Variants in TXNRD2 observed in about 807,000 individuals in gnomAD.
The protein encoded by TXNRD2 is thioredoxin reductase 2.
Under a neutral mutation model 70.8 loss-of-function variants are expected in TXNRD2, and 67 were observed. That is an observed-to-expected ratio of 0.95 (90% CI 0.78 to 1.16). The LOEUF is 1.16. Ranked by LOEUF, TXNRD2 falls within the 50% of genes most tolerant of loss-of-function variation. The pLI, the probability that TXNRD2 is intolerant of heterozygous loss-of-function variation, is 0.00. For missense variants in TXNRD2, 644 were observed against 719.9 expected, an observed-to-expected ratio of 0.89 and a Z score of 1.21; for synonymous variants, 301 against 295.8, an observed-to-expected ratio of 1.02 and a Z score of -0.18.
At chr22:19,941,182 ACTGTC>A (rs1941699556) in intron 1 of TXNRD2, among the ~76,000 whole-genome samples, 1 of 152,044 alleles carries the variant, frequency 6.6e-6, no homozygotes, top group Non-Finnish European at 1.5e-5. Context: ...TGAGGCTTGA[ACTGTC>A]CTGAGTGACC....
intron 10 of TXNRD2, 63 bp downstream of exon 10, chr22:19,897,976 G>C (rs1047082154): frequency 5.8e-6 from 8 of 1,387,708 alleles, no homozygotes; most frequent in Non-Finnish European, 9.9e-7. Context: ...ACCTGCCTGG[G>C]AGGGGGCTGT....
chr22:19,895,958 C>T (rs147959426), intron 10 of TXNRD2, among the ~76,000 whole-genome samples: 1 of 152,222 alleles, frequency 6.6e-6, no homozygotes, highest in South Asian at 2.1e-4. Context: ...GATCACACCA[C>T]TGCACTCCAG....
At chr22:19,894,570 A>C (rs1330706965) in intron 11 of TXNRD2, 1 of 155,204 alleles carries the variant, frequency 6.4e-6, no homozygotes, top group South Asian at 2.0e-4. Context: ...TGGAGGCTGC[A>C]GTGAGCTATG....
intron 8 of TXNRD2, among the ~76,000 whole-genome samples, chr22:19,902,157 C>T (rs548796596): frequency 2.6e-5 from 4 of 152,204 alleles, no homozygotes; most frequent in South Asian, 2.1e-4. Flanking sequence ...CACTCCAGCC[C>T]GGGAAACAGA....
rs559624289 is a variant in TXNRD2, at chr22:19,938,371, C to A, written c.103+3330G>T. Reference sequence around the variant, plus strand: ...TAAACAAAGGAGATAAGACATGGGGCCCTGGGATGGGCTCCAGCGGTGAAA... The same window carrying A: ...TAAACAAAGGAGATAAGACATGGGGACCTGGGATGGGCTCCAGCGGTGAAA... On this transcript the variant is annotated intron_variant, in intron 1 of 17. Transcript: ENST00000400521. Among the ~76,000 whole-genome samples, 6 of 152,300 alleles carry A rather than the reference C, an allele frequency of 3.9e-5. No homozygotes were observed. The South Asian group carries it at 1.2e-3, about 32-fold the overall frequency.
intron 11 of TXNRD2, among the ~76,000 whole-genome samples, chr22:19,891,204 TGG>T (rs1238526086): frequency 6.6e-6 from 1 of 152,228 alleles, no homozygotes; most frequent in Non-Finnish European, 1.5e-5. Context: ...ATTCCTTCCC[TGG>T]GTCTCGTCTC....
At chr22:19,909,133 G>A (rs1432521891) in intron 8 of TXNRD2, among the ~76,000 whole-genome samples, 1 of 151,116 alleles carries the variant, frequency 6.6e-6, no homozygotes, top group Non-Finnish European at 1.5e-5. Flanking sequence ...TTGAACCCGG[G>A]AGGCAGAGGT....
intron 13 of TXNRD2, 35 bp downstream of exon 13, chr22:19,880,587 C>T (rs1938722822): frequency 6.9e-6 from 11 of 1,591,594 alleles, no homozygotes; most frequent in South Asian, 1.1e-5. Context: ...TCAGCCTGTC[C>T]TAGGCTGCAC....
chr22:19,898,453 C>T (rs62222122), intron 9 of TXNRD2, among the ~76,000 whole-genome samples: 33,006 of 149,904 alleles, frequency 0.22, 4,468 homozygotes, highest in African/African-American at 0.37. Flanking sequence ...ACCTCAGCCA[C>T]GGGAGATGCC....
intron 5 of TXNRD2, among the ~76,000 whole-genome samples, chr22:19,917,566 C>T (rs917656753): frequency 6.6e-6 from 1 of 152,190 alleles, no homozygotes; most frequent in African/African-American, 2.4e-5. Context: ...GAGGCGGTAC[C>T]AGTTTCAGGC....
chr22:19,880,734 G>A lies in TXNRD2; in HGVS notation c.1087-17C>T, dbSNP rs987650882. 3 of 1,547,892 alleles carry A rather than the reference G, an allele frequency of 1.9e-6. No homozygotes were observed. Among genetic ancestry groups the A allele is most frequent in the Non-Finnish European group, 2.6e-6 (3 of 1,145,842 alleles). On this transcript the variant is annotated splice_polypyrimidine_tract_variant and intron_variant, in intron 12 of 17. Coordinates refer to ENST00000400521, the MANE Select transcript of TXNRD2 (RefSeq NM_006440.5). ...AGGCCGCCCCTTGGGGAAGGCACAG[G>A]GGGGCCACGTCAGCACCATGTCCGG...
chr22:19,915,838 A>C lies in TXNRD2; in HGVS notation c.455T>G (p.Val152Gly), dbSNP rs1187741393. 6.2e-7 allele frequency: 1 copy of C among 1,614,038 alleles called. No homozygotes were observed. Among genetic ancestry groups the C allele is most frequent in the Non-Finnish European group, 8.5e-7 (1 of 1,179,890 alleles). ...GCTGGCTTTGATGTTAAAGTACTTG[A>C]CTTTTCTGAAAGATAAAGATAAGAT... ...GHRVQLQDRK[V>G]KYFNIKASFV... Residue 152 changes from valine (V) to glycine (G), a missense_variant, in exon 6 of 18, where the codon GTC becomes GGC. Coordinates refer to ENST00000400521, the MANE Select transcript of TXNRD2 (RefSeq NM_006440.5).
At chr22:19,935,231 G>T (rs1407907612) in intron 1 of TXNRD2, among the ~76,000 whole-genome samples, 1 of 152,144 alleles carries the variant, frequency 6.6e-6, no homozygotes, top group Non-Finnish European at 1.5e-5. Flanking sequence ...GCATTCCTGG[G>T]GGGAGGTCTG....
intron 2 of TXNRD2, among the ~76,000 whole-genome samples, chr22:19,924,525 C>T (rs940259401): frequency 2.0e-5 from 3 of 152,174 alleles, no homozygotes; most frequent in African/African-American, 7.2e-5. Flanking sequence ...CCTCAGCTCA[C>T]TGCCCCACTA....
intron 2 of TXNRD2, among the ~76,000 whole-genome samples, chr22:19,926,125 G>A (rs1209955628): frequency 6.8e-6 from 1 of 146,496 alleles, no homozygotes; most frequent in Non-Finnish European, 1.5e-5. Context: ...ATTGTGCCAT[G>A]GTACTCCAGC....
chr22:19,932,593 G>A, intron 1 of TXNRD2: 1 of 1,441,980 alleles, frequency 6.9e-7, no homozygotes. Flanking sequence ...CCTGCTGAAG[G>A]AAGGAAGAAA....
intron 8 of TXNRD2, among the ~76,000 whole-genome samples, chr22:19,904,716 G>A (rs1289937219): frequency 6.6e-6 from 1 of 152,208 alleles, no homozygotes; most frequent in Non-Finnish European, 1.5e-5. Flanking sequence ...CTGGGGCCAG[G>A]GGGACAGGGA....
intron 8 of TXNRD2, among the ~76,000 whole-genome samples, chr22:19,907,253 G>GGT (rs2146004511): frequency 4.7e-5 from 3 of 64,112 alleles, no homozygotes; most frequent in Admixed American, 4.8e-4. Flanking sequence ...GGAGAGTGTG[G>GGT]GCGCCGTGGG....
At chr22:19,893,742 G>A (rs1353630474) in intron 11 of TXNRD2, among the ~76,000 whole-genome samples, 9 of 152,344 alleles carry the variant, frequency 5.9e-5, no homozygotes, top group South Asian at 2.1e-4. Context: ...ACGCCTGGCC[G>A]GGAAACGCCC....
Sources: allele counts gnomAD v4.1 joint callset (sites outside exome capture counted in the v4.1 genomes callset), GRCh38; gene constraint gnomAD v4.1.1; transcripts MANE v1.5; gene names NCBI Gene and HGNC (gene_info 2026-07-23, HGNC 2026-07-21).